The following SENP6 variants were observed in gnomAD, a reference collection of about 807,000 sequenced individuals.
The protein encoded by SENP6 is SUMO specific peptidase 6.
SENP6 carries 41 observed loss-of-function variants against 134.5 expected under a neutral mutation model. That is an observed-to-expected ratio of 0.30 (90% confidence interval 0.24 to 0.40). SENP6 has a LOEUF of 0.40. SENP6 is among the 10% of genes least tolerant of loss of function. The pLI, the probability that SENP6 is intolerant of heterozygous loss-of-function variation, is 1.00. For synonymous variants in SENP6, 395 were observed against 429.8 expected (o/e 0.92, Z 1.00); for missense variants, 1,248 against 1,312.5 (o/e 0.95, Z 0.76).
chr6:75,608,317 C>T (rs138412211), intron 1 of SENP6, among the ~76,000 whole-genome samples: 9 of 152,016 alleles, frequency 5.9e-5, no homozygotes, highest in South Asian at 2.1e-4. Flanking sequence ...AAAAATTAAC[C>T]GGATGTCACA....
rs80335173 is a variant in SENP6 at position 75,689,215 on chromosome 6, CAG to C, written c.2076-6586_2076-6585del. 4.7e-3 allele frequency among the ~76,000 whole-genome samples: 718 copies of C among 152,196 alleles called. 13 individuals carry two copies. The East Asian group carries it at 0.08, about 17-fold the overall frequency. ...CACCACTGTACTCCAACCTGGGTGA[CAG>C]AGCAAGACACTATATCCAAGAAAAA... On this transcript the variant is annotated intron_variant, in intron 16 of 23. Coordinates refer to ENST00000447266, the MANE Select transcript of SENP6 (RefSeq NM_015571.4).
intron 16 of SENP6, among the ~76,000 whole-genome samples, chr6:75,681,221 C>T (rs6907247): frequency 0.61 from 92,186 of 151,890 alleles, 28,331 homozygotes; most frequent in South Asian, 0.67. Flanking sequence ...TCCCCCTTTC[C>T]ATCCTTGTTA....
At chr6:75,623,864 G>A (rs1768459542) in intron 2 of SENP6, 36 bp from the exon 3 acceptor site, 1 of 1,529,934 alleles carries the variant, frequency 6.5e-7, no homozygotes, top group African/African-American at 1.4e-5. Context: ...GATTGTGATT[G>A]CTACTTATGT....
Position 75,670,613 on chromosome 6 carries a change from C to T in SENP6, c.1285C>T (p.Pro429Ser), listed in dbSNP as rs1298043727. Residue 429 changes from proline (P) to serine (S), a missense_variant, in exon 11 of 24, where the codon CCA (proline) becomes TCA (serine). Transcript: ENST00000447266. Reference protein sequence around the residue: ...KRRKVFSQEPPDALALSCQSS... With the variant: ...KRRKVFSQEPSDALALSCQSS... ...TCGTAAAGTGTTTTCTCAAGAACCTCCAGATGCTTTAGCTTTAAGCTGCCA... is the reference window on the plus strand; with the variant it reads ...TCGTAAAGTGTTTTCTCAAGAACCTTCAGATGCTTTAGCTTTAAGCTGCCA... 1.9e-6 allele frequency: 3 copies of T among 1,613,426 alleles called. No homozygotes were observed. In the South Asian group the frequency reaches 3.3e-5, roughly 18 times the overall value.
intron 17 of SENP6, among the ~76,000 whole-genome samples, chr6:75,697,199 A>T (rs1255517130): frequency 6.6e-6 from 1 of 152,220 alleles, no homozygotes; most frequent in Admixed American, 6.5e-5. Flanking sequence ...CACCCCTCAG[A>T]TGGAGTAACA....
intron 16 of SENP6, among the ~76,000 whole-genome samples, chr6:75,690,315 AC>A (rs957250955): frequency 1.8e-4 from 28 of 152,212 alleles, no homozygotes; most frequent in African/African-American, 6.3e-4. Flanking sequence ...GAACGGATAA[AC>A]CAAATGTGGT....
At chr6:75,691,467 G>A (rs1274651219) in intron 16 of SENP6, among the ~76,000 whole-genome samples, 3 of 152,206 alleles carry the variant, frequency 2.0e-5, no homozygotes, top group Non-Finnish European at 2.9e-5. Context: ...TTATGGAATA[G>A]CAACTAAACA....
chr6:75,609,218 A>G (rs1047941228), intron 1 of SENP6, among the ~76,000 whole-genome samples: 1 of 152,080 alleles, frequency 6.6e-6, no homozygotes, highest in Admixed American at 6.5e-5. Context: ...CTTCCTCATC[A>G]CTTTGCTTCC....
intron 1 of SENP6, among the ~76,000 whole-genome samples, chr6:75,620,244 T>C (rs1768168863): frequency 6.6e-6 from 1 of 152,160 alleles, no homozygotes. Context: ...TTGTAAGTTG[T>C]GAAAATTCTG....
At chr6:75,635,745 C>T (rs1204075452) in intron 5 of SENP6, among the ~76,000 whole-genome samples, 2 of 152,028 alleles carry the variant, frequency 1.3e-5, no homozygotes, top group African/African-American at 2.4e-5. Context: ...TATACAAGCT[C>T]TCTGGCCTAC....
chr6:75,638,618 A>ATTT (rs1769769712), intron 5 of SENP6, among the ~76,000 whole-genome samples: 1 of 34,496 alleles, frequency 2.9e-5, no homozygotes, highest in African/African-American at 1.3e-4. Context: ...ATATATATAT[A>ATTT]TATATTTTTT....
At chr6:75,706,036 A>G (rs1236245828) in intron 19 of SENP6, among the ~76,000 whole-genome samples, 1 of 142,978 alleles carries the variant, frequency 7.0e-6, no homozygotes, top group Admixed American at 7.7e-5. Flanking sequence ...TCCTGGGTTC[A>G]AGAGATTGTC....
Position 75,715,391 on chromosome 6 carries a change from A to G in SENP6, c.3136A>G (p.Ile1046Val), listed in dbSNP as rs373881663. The G allele has an allele frequency of 1.2e-4, 186 of 1,604,368 alleles. 1 individual carries two copies. Among genetic ancestry groups the G allele is most frequent in the Middle Eastern group, 1.7e-4 (1 of 5,916 alleles). ...CATTTAATTGTATTTTCAGAATCCA[A>G]TTCTCAGTTTTGAACTACCTATGAA... ...QYVESFFENP[I>V]LSFELPMNLA... Residue 1046 changes from isoleucine to valine, a missense_variant, in exon 24 of 24, where the codon ATT becomes GTT. Physicochemically the swap from Ile to Val is conservative, Grantham distance 29. Around this residue, in one of 3 missense-constraint regions of SENP6, gnomAD observed 386 missense variants for 395.0 expected, o/e 0.98. Transcript: ENST00000447266.
In SENP6 at chr6:75,705,557, TA is replaced by T. The variant is rs1247288086; in HGVS notation, c.2716+2488del. Among the ~76,000 whole-genome samples, 97 of 151,392 alleles carry T rather than the reference TA, an allele frequency of 6.4e-4. 2 individuals are homozygous for T. In the South Asian group the frequency reaches 0.011, roughly 18 times the overall value. ...AGACTCCATCTCAAAAATAAATAAA[TA>T]AATTAATTAATTAATTAAAAACTAG... is the stretch of plus-strand genomic sequence containing the variant. On this transcript the variant is annotated intron_variant, in intron 19 of 23. Coordinates refer to ENST00000447266, the MANE Select transcript of SENP6 (RefSeq NM_015571.4).
chr6:75,606,834 C>T (rs548037031), intron 1 of SENP6, among the ~76,000 whole-genome samples: 28 of 152,008 alleles, frequency 1.8e-4, no homozygotes, highest in Non-Finnish European at 3.1e-4. Context: ...TCAAGCATTT[C>T]GGATAAGGGA....
chr6:75,606,737 G>A (rs1767057649), intron 1 of SENP6, among the ~76,000 whole-genome samples: 1 of 152,048 alleles, frequency 6.6e-6, no homozygotes, highest in African/African-American at 2.4e-5. Context: ...TTGGATTTGG[G>A]ATGCTCAGTT....
intron 5 of SENP6, among the ~76,000 whole-genome samples, chr6:75,637,331 G>A (rs1435767343): frequency 2.0e-5 from 3 of 152,098 alleles, no homozygotes; most frequent in Non-Finnish European, 2.9e-5. Flanking sequence ...ATATGGGAAC[G>A]AGTGCTTTAC....
intron 7 of SENP6, among the ~76,000 whole-genome samples, chr6:75,651,108 AG>A (rs1770825656): frequency 6.6e-6 from 1 of 152,006 alleles, no homozygotes; most frequent in African/African-American, 2.4e-5. Context: ...TTTTTTATTT[AG>A]TTGCTTTAAA....
intron 1 of SENP6, among the ~76,000 whole-genome samples, chr6:75,615,255 A>G (rs1767765661): frequency 6.6e-6 from 1 of 151,682 alleles, no homozygotes; most frequent in Non-Finnish European, 1.5e-5. Context: ...ATCTCAGCTC[A>G]CTCAACCTCT....
Sources: gnomAD v4.1 joint callset for allele counts (sites outside exome capture counted in the v4.1 genomes callset) on GRCh38, gnomAD v4.1.1 for gene constraint, gnomAD v4.1.1 regional missense constraint, MANE v1.5 for transcripts, NCBI Gene and HGNC (gene_info 2026-07-23, HGNC 2026-07-21) for gene names.